Variants in WDPCP observed in about 807,000 individuals in gnomAD.
WDPCP encodes the protein WD repeat-containing and planar cell polarity effector protein fritz homolog.
A neutral mutation model predicts 93.1 loss-of-function variants in WDPCP; 71 were observed. That is an observed-to-expected ratio of 0.76 (90% CI 0.63 to 0.93). The LOEUF (loss-of-function observed/expected upper bound fraction) is 0.93. WDPCP is among the 40% of genes least tolerant of loss of function. The pLI, the probability that WDPCP is intolerant of heterozygous loss-of-function variation, is 0.00. For synonymous variants in WDPCP, 315 were observed against 315.0 expected (o/e 1.00, Z 0.00); for missense variants, 844 against 887.4 (o/e 0.95, Z 0.62).
intron 3 of WDPCP, among the ~76,000 whole-genome samples, chr2:63,640,062 G>T (rs1224268905): frequency 1.3e-5 from 2 of 152,192 alleles, no homozygotes; most frequent in Non-Finnish European, 2.9e-5. Flanking sequence ...AGGCTGGAGT[G>T]CAGTGGCGCG....
intron 12 of WDPCP, among the ~76,000 whole-genome samples, chr2:63,377,494 T>C (rs1691944330): frequency 6.6e-6 from 1 of 151,180 alleles, no homozygotes; most frequent in Admixed American, 6.6e-5. Flanking sequence ...TATGTGTATA[T>C]ATACACAGTT....
rs374003330 is a variant in WDPCP at position 63,575,478 on chromosome 2, AGT to A, written c.75+12717_75+12718del. On this transcript the variant is annotated intron_variant, in intron 1 of 17. Coordinates refer to ENST00000272321, the MANE Select transcript of WDPCP (RefSeq NM_015910.7). ...TATACAGTATATATGCAGTATATAC[AGT>A]GTATATATAGTATATACAGTATATA... is the stretch of plus-strand genomic sequence containing the variant. 2.4e-4 allele frequency among the ~76,000 whole-genome samples: 25 copies of A among 102,988 alleles called. 2 individuals carry two copies. The highest frequency in any genetic ancestry group is 8.9e-4 in the South Asian group (3 of 3,354). The allele number at this position is 102,988 out of a possible 152,430, so 67.6% of individuals were successfully genotyped here.
At position 63,121,808 on chromosome 2, in the gene WDPCP, G is replaced by A. The variant is rs1669563338; in HGVS notation, c.*198C>T. 12 of 1,305,228 alleles carry A rather than the reference G, an allele frequency of 9.2e-6. No individual in the cohort carries two copies. Among genetic ancestry groups the A allele is most frequent in the East Asian group, 8.1e-5 (3 of 36,898 alleles). 80.9% of individuals were successfully genotyped at this position (1,305,228 alleles called of 1,614,324 possible). A position where few individuals can be genotyped will look rare whatever the true frequency, so the allele number is the denominator to read the frequency against. On this transcript the variant is annotated 3_prime_UTR_variant, in exon 18 of 18. Transcript: ENST00000272321. ...AAGTAGGTTGAAGACTTTTACTTAC[G>A]ATCACTTTGCTGTTATGCTGCATGT...
At chr2:63,352,769 C>T (rs1258599524) in intron 12 of WDPCP, among the ~76,000 whole-genome samples, 1 of 152,138 alleles carries the variant, frequency 6.6e-6, no homozygotes, top group Non-Finnish European at 1.5e-5. Context: ...TAGGAACATA[C>T]ATAAAGGAAT....
intron 17 of WDPCP, among the ~76,000 whole-genome samples, chr2:63,149,108 T>A (rs528362513): frequency 6.6e-6 from 1 of 152,108 alleles, no homozygotes; most frequent in East Asian, 1.9e-4. Flanking sequence ...TGGGAGGAGT[T>A]ATTTGTAACA....
rs1021282733 is a variant in WDPCP, at chr2:63,514,183, T to C, written c.76-21243A>G. ...TGCCTCTGGAGAGAGCTGGGAAAGA[T>C]GAATGCTGTTGCTAGTAATGAGCCT... On this transcript the variant is annotated intron_variant, in intron 1 of 17. Coordinates refer to ENST00000272321, the MANE Select transcript of WDPCP (RefSeq NM_015910.7). Among the ~76,000 whole-genome samples, 5 of 152,278 alleles carry C rather than the reference T, an allele frequency of 3.3e-5. No individual in the cohort carries two copies. The East Asian group carries it at 9.7e-4, about 29-fold the overall frequency.
At chr2:63,315,150 C>A (rs913899582) in intron 12 of WDPCP, among the ~76,000 whole-genome samples, 1 of 151,944 alleles carries the variant, frequency 6.6e-6, no homozygotes, top group Non-Finnish European at 1.5e-5. Flanking sequence ...AAAAAATAAC[C>A]AATTAAACAA....
intron 3 of WDPCP, among the ~76,000 whole-genome samples, chr2:63,650,339 G>A (rs1710094789): frequency 6.6e-6 from 1 of 152,190 alleles, no homozygotes; most frequent in South Asian, 2.1e-4. Context: ...TGCTTATGCT[G>A]CTGGTCCAGG....
chr2:63,526,176 A>T (rs998332660), intron 1 of WDPCP, among the ~76,000 whole-genome samples: 1 of 152,206 alleles, frequency 6.6e-6, no homozygotes, highest in African/African-American at 2.4e-5. Context: ...TATTTAAGGC[A>T]CAGATCCCTA....
At chr2:63,667,975 T>C (rs1710302761) in intron 2 of WDPCP, among the ~76,000 whole-genome samples, 1 of 152,224 alleles carries the variant, frequency 6.6e-6, no homozygotes, top group South Asian at 2.1e-4. Context: ...TTCTCCAGGA[T>C]GCTGGGCCCT....
At chr2:63,469,008 A>T (rs1373045998) in intron 6 of WDPCP, among the ~76,000 whole-genome samples, 1 of 152,184 alleles carries the variant, frequency 6.6e-6, no homozygotes, top group Non-Finnish European at 1.5e-5. Flanking sequence ...CAAGAAAAAA[A>T]AAAGCCCATT....
intron 12 of WDPCP, among the ~76,000 whole-genome samples, chr2:63,375,010 T>G (rs1691726643): frequency 6.6e-6 from 1 of 152,044 alleles, no homozygotes; most frequent in Admixed American, 6.6e-5. Context: ...AAAGCACAAC[T>G]CTCTGTGCCA....
chr2:63,338,573 T>A (rs1209350688), intron 12 of WDPCP, among the ~76,000 whole-genome samples: 39 of 4,800 alleles, frequency 8.1e-3, no homozygotes, highest in South Asian at 0.017. Flanking sequence ...AAAAAAAATA[T>A]ATATATATAT....
chr2:63,233,297 A>G (rs538517262), intron 14 of WDPCP: 6 of 247,948 alleles, frequency 2.4e-5, no homozygotes, highest in Non-Finnish European at 4.7e-5. Flanking sequence ...TTTTCTGTAT[A>G]CTATTAAAAA....
At chr2:63,516,863 C>G (rs1424731436) in intron 1 of WDPCP, among the ~76,000 whole-genome samples, 2 of 151,996 alleles carry the variant, frequency 1.3e-5, no homozygotes, top group Non-Finnish European at 2.9e-5. Flanking sequence ...ACTCTTTTTC[C>G]TTTCCCAGCA....
intron 10 of WDPCP, among the ~76,000 whole-genome samples, chr2:63,393,674 T>C (rs1693473781): frequency 6.6e-6 from 1 of 151,826 alleles, no homozygotes; most frequent in Non-Finnish European, 1.5e-5. Context: ...AACTTCAAAC[T>C]ATACCACAAT....
At chr2:63,362,668 AT>A (rs1372731655) in intron 12 of WDPCP, among the ~76,000 whole-genome samples, 1 of 151,848 alleles carries the variant, frequency 6.6e-6, no homozygotes, top group Non-Finnish European at 1.5e-5. Flanking sequence ...AATTAAATCA[AT>A]TTTCTTTTCT....
intron 14 of WDPCP, among the ~76,000 whole-genome samples, chr2:63,186,781 A>G (rs1440615833): frequency 6.8e-6 from 1 of 147,748 alleles, no homozygotes; most frequent in African/African-American, 2.5e-5. Context: ...AGAGCACTAT[A>G]TGACTGTGCA....
intron 2 of WDPCP, among the ~76,000 whole-genome samples, chr2:63,769,468 T>C (rs77527196): frequency 6.6e-6 from 1 of 151,966 alleles, no homozygotes; most frequent in African/African-American, 2.4e-5. Flanking sequence ...TATAATTAGT[T>C]TTTTCAAGGG....
Sources: gnomAD v4.1 joint callset for allele counts (sites outside exome capture counted in the v4.1 genomes callset) on GRCh38, gnomAD v4.1.1 for gene constraint, MANE v1.5 for transcripts, NCBI Gene and HGNC (gene_info 2026-07-23, HGNC 2026-07-21) for gene names.